SIPA1L3: variants seen among roughly 807,000 people sequenced by gnomAD.
SIPA1L3 encodes the protein signal induced proliferation associated 1 like 3, also known as signal-induced proliferation-associated 1-like protein 3.
In SIPA1L3, 59 loss-of-function variants were observed where a neutral mutation model predicts 150.1. That is an observed-to-expected ratio of 0.39 (90% CI 0.32 to 0.49). The LOEUF (loss-of-function observed/expected upper bound fraction) is 0.49. SIPA1L3 is among the 20% of genes least tolerant of loss of function. SIPA1L3 has a pLI of 0.86. For synonymous variants in SIPA1L3, 1,070 were observed against 1,077.6 expected, an observed-to-expected ratio of 0.99 and a Z score of 0.14; for missense variants, 2,211 against 2,489.5, an observed-to-expected ratio of 0.89 and a Z score of 2.38.
intron 1 of SIPA1L3, among the ~76,000 whole-genome samples, chr19:37,983,819 T>C (rs945147466): frequency 6.9e-6 from 1 of 145,522 alleles, no homozygotes; most frequent in African/African-American, 2.6e-5. Context: ...GGTGGGAGGA[T>C]AACTTGAGCC....
chr19:38,007,777 G>C (rs1238433974), intron 1 of SIPA1L3, among the ~76,000 whole-genome samples: 1 of 152,084 alleles, frequency 6.6e-6, no homozygotes, highest in African/African-American at 2.4e-5. Flanking sequence ...GTGCATGTAT[G>C]ATTTAGTTAC....
chr19:38,138,885 G>C (rs1406890464), intron 10 of SIPA1L3, among the ~76,000 whole-genome samples: 2 of 30,796 alleles, frequency 6.5e-5, no homozygotes, highest in Non-Finnish European at 1.1e-4. Flanking sequence ...GTGACAGAAC[G>C]AGACTCTATC....
intron 1 of SIPA1L3, among the ~76,000 whole-genome samples, chr19:37,965,321 T>A (rs1247701408): frequency 6.6e-6 from 1 of 150,684 alleles, no homozygotes; most frequent in African/African-American, 2.4e-5. Flanking sequence ...TTTCTAGTTT[T>A]TTTTTTTTTT....
intron 1 of SIPA1L3, among the ~76,000 whole-genome samples, chr19:37,921,711 C>T (rs1021089578): frequency 2.0e-5 from 3 of 151,994 alleles, no homozygotes; most frequent in Non-Finnish European, 4.4e-5. Context: ...AGTGATCCTC[C>T]CACCTCAGCC....
Position 38,188,991 on chromosome 19 carries a change from G to A in SIPA1L3, c.4431-3154G>A, listed in dbSNP as rs148595274. Among the ~76,000 whole-genome samples, 125 of 151,698 alleles carry A rather than the reference G, an allele frequency of 8.2e-4. 1 individual carries two copies. Among genetic ancestry groups the A allele is most frequent in the African/African-American group, 2.9e-3 (119 of 41,348 alleles). On this transcript the variant is annotated intron_variant, in intron 16 of 21. Transcript: ENST00000222345. ...CCATCCTGCTCCCTCCCCAAAAGCA[G>A]CCATTGTTTCATTTCTGCATCCTTC... is the stretch of plus-strand genomic sequence containing the variant.
At chr19:37,914,521 C>T (rs1285557301) in intron 1 of SIPA1L3, among the ~76,000 whole-genome samples, 6 of 151,944 alleles carry the variant, frequency 3.9e-5, no homozygotes, top group Non-Finnish European at 7.4e-5. Context: ...AGGAATGTGC[C>T]ACCACACCTG....
At chr19:38,202,023 G>A in intron 20 of SIPA1L3, 26 bp downstream of exon 20, 2 of 1,591,150 alleles carry the variant, frequency 1.3e-6, no homozygotes, top group Non-Finnish European at 1.7e-6. Flanking sequence ...GAACACCCGG[G>A]TTCATACCAG....
At chr19:38,027,071 C>G (rs576502222) in intron 1 of SIPA1L3, among the ~76,000 whole-genome samples, 1 of 152,122 alleles carries the variant, frequency 6.6e-6, no homozygotes. Context: ...GTGGGCGGAT[C>G]GCTTGAGGCC....
intron 1 of SIPA1L3, among the ~76,000 whole-genome samples, chr19:38,002,049 TGATA>T (rs1176815565): frequency 2.6e-5 from 4 of 152,348 alleles, no homozygotes; most frequent in African/African-American, 9.6e-5. Flanking sequence ...GTTACATTAC[TGATA>T]GATATAGTTA....
At chr19:37,941,125 G>GACAC in intron 1 of SIPA1L3, among the ~76,000 whole-genome samples, 1 of 109,274 alleles carries the variant, frequency 9.2e-6, no homozygotes, top group East Asian at 2.9e-4. Context: ...CACACACACT[G>GACAC]TTTCTTTTTT....
At chr19:37,915,367 G>GTTTT (rs892494952) in intron 1 of SIPA1L3, among the ~76,000 whole-genome samples, 1 of 150,810 alleles carries the variant, frequency 6.6e-6, no homozygotes, top group Non-Finnish European at 1.5e-5. Context: ...TGGAAAAGGT[G>GTTTT]TTTTTTTTTG....
intron 8 of SIPA1L3, among the ~76,000 whole-genome samples, chr19:38,115,838 G>T (rs2145887632): frequency 6.6e-6 from 1 of 152,188 alleles, no homozygotes; most frequent in East Asian, 1.9e-4. Context: ...ATCTCTGTGT[G>T]TTGATTTGGT....
chr19:37,957,867 A>G (rs1285474344), intron 1 of SIPA1L3, among the ~76,000 whole-genome samples: 1 of 144,302 alleles, frequency 6.9e-6, no homozygotes, highest in Non-Finnish European at 1.5e-5. Flanking sequence ...ATGCATCACC[A>G]TGCCTGGCTA....
At chr19:38,169,600 G>C (rs1264663679) in intron 15 of SIPA1L3, among the ~76,000 whole-genome samples, 1 of 152,208 alleles carries the variant, frequency 6.6e-6, no homozygotes. Flanking sequence ...TTAGAACAGT[G>C]CTTTGACTTG....
rs1319285829 is a variant in SIPA1L3 at position 38,025,923 on chromosome 19, T to C, written c.-378-3166T>C. On this transcript the variant is annotated intron_variant, in intron 1 of 21. Transcript: ENST00000222345. ...TGTTTTTCTGTATTTGCTGTTTCTA[T>C]GTATAGTGACTGTTTCTAATTTTAT... 2.0e-5 allele frequency among the ~76,000 whole-genome samples: 3 copies of C among 152,226 alleles called. 1 individual carries two copies. The highest frequency in any genetic ancestry group is 1.3e-4 in the Admixed American group (2 of 15,282).
At chr19:38,204,007 A>G (rs2146076736) in intron 20 of SIPA1L3, 120 bp from the exon 21 acceptor site, 1 of 740,028 alleles carries the variant, frequency 1.4e-6, no homozygotes. Context: ...GCTTCTCCTC[A>G]GGCTTTGCTA....
At chr19:38,128,906 A>AG (rs1050666638) in intron 9 of SIPA1L3, among the ~76,000 whole-genome samples, 41 of 152,026 alleles carry the variant, frequency 2.7e-4, no homozygotes, top group Non-Finnish European at 4.3e-4. Context: ...AAAAAAAAAA[A>AG]ATTTATTCCT....
At chr19:38,176,836 TG>T (rs1363795631) in intron 15 of SIPA1L3, among the ~76,000 whole-genome samples, 1 of 151,980 alleles carries the variant, frequency 6.6e-6, no homozygotes, top group Non-Finnish European at 1.5e-5. Flanking sequence ...CTGGGTGTGG[TG>T]GCACATGCCT....
At chr19:37,981,802 G>C (rs1353845658) in intron 1 of SIPA1L3, among the ~76,000 whole-genome samples, 1 of 152,130 alleles carries the variant, frequency 6.6e-6, no homozygotes. Context: ...GGAGGCCCTG[G>C]AAGAGAGGAT....
Sources: allele counts gnomAD v4.1 joint callset (sites outside exome capture counted in the v4.1 genomes callset), GRCh38; gene constraint gnomAD v4.1.1; transcripts MANE v1.5; gene names NCBI Gene and HGNC (gene_info 2026-07-23, HGNC 2026-07-21).